CPXM2: variants seen among roughly 807,000 people sequenced by gnomAD.
CPXM2 encodes the protein inactive carboxypeptidase-like protein X2.
Under a neutral mutation model 86.1 loss-of-function variants are expected in CPXM2, and 66 were observed. That is an observed-to-expected ratio of 0.77 (90% confidence interval 0.63 to 0.94). The LOEUF is 0.94. Among genes scored for constraint, CPXM2 ranks in the 40% least tolerant of loss-of-function variants. CPXM2 has a pLI of 0.00. For missense variants in CPXM2, 948 were observed against 1,026.3 expected (o/e 0.92, Z 1.04); for synonymous variants, 388 against 400.2 (o/e 0.97, Z 0.36).
At chr10:123,888,887 C>T (rs1035417283) in intron 1 of CPXM2, among the ~76,000 whole-genome samples, 5 of 152,156 alleles carry the variant, frequency 3.3e-5, no homozygotes, top group Admixed American at 2.6e-4. Flanking sequence ...CTTCCGAAGA[C>T]GTGTTTTCAG....
chr10:123,750,185 G>C (rs746312705), intron 13 of CPXM2: 10 of 985,208 alleles, frequency 1.0e-5, no homozygotes, highest in Non-Finnish European at 1.2e-5. Context: ...TGTCCTTGTG[G>C]CCCTGTCAGA....
upstream of CPXM2, among the ~76,000 whole-genome samples, chr10:123,941,635 G>A (rs957685180): frequency 6.6e-6 from 1 of 152,222 alleles, no homozygotes; most frequent in Non-Finnish European, 1.5e-5. Flanking sequence ...TTAAAACATT[G>A]TTTTTATGTT....
chr10:123,780,550 A>G (rs1223225323), intron 6 of CPXM2, among the ~76,000 whole-genome samples: 3 of 152,214 alleles, frequency 2.0e-5, no homozygotes, highest in Non-Finnish European at 4.4e-5. Context: ...TTTTTTACCC[A>G]TAAACAAGAA....
chr10:123,835,289 G>A (rs1266613486), intron 4 of CPXM2, among the ~76,000 whole-genome samples: 1 of 152,128 alleles, frequency 6.6e-6, no homozygotes, highest in Non-Finnish European at 1.5e-5. Context: ...ATAAAGCGGG[G>A]TGGAAGCTTC....
At chr10:123,901,998 T>C (rs144273443) in intron 2 of CPXM2, among the ~76,000 whole-genome samples, 1 of 152,330 alleles carries the variant, frequency 6.6e-6, no homozygotes, top group East Asian at 1.9e-4. Context: ...CCAGAGAACT[T>C]TTGTGCAGAG....
intron 2 of CPXM2, among the ~76,000 whole-genome samples, chr10:123,867,346 G>A (rs1287416428): frequency 6.6e-6 from 1 of 152,012 alleles, no homozygotes; most frequent in Non-Finnish European, 1.5e-5. Context: ...GAAAGTAAGG[G>A]GCTAGAAAAT....
rs762517969 is a variant in CPXM2, at chr10:123,768,740, G to C, written c.1103-18C>G. On this transcript the variant is annotated intron_variant, in intron 8 of 13. Transcript: ENST00000241305. ...GGGCTCACCTTTACTCAAAGACAGA[G>C]AGAAGCACAGGTTCACGTTGAAACA... The C allele has an allele frequency of 6.2e-7, 1 of 1,603,120 alleles. No homozygotes were observed. Among genetic ancestry groups the C allele is most frequent in the Admixed American group, 1.7e-5 (1 of 59,934 alleles).
At position 123,757,212 on chromosome 10, in the gene CPXM2, C is replaced by T; in HGVS notation, c.1917+1G>A. 1 of 1,613,898 alleles carries T rather than the reference C, an allele frequency of 6.2e-7. No homozygotes were observed. The highest frequency in any genetic ancestry group is 1.1e-5 in the South Asian group (1 of 91,048). On this transcript the variant is annotated splice_donor_variant, in intron 12 of 13. Coordinates refer to ENST00000241305, the MANE Select transcript of CPXM2 (RefSeq NM_198148.3). LOFTEE classifies it high-confidence loss of function. ...ATCCCAGCCACACACCCGCAATATA[C>T]CTGCTCCATGAACACGATCAGAGAT...
chr10:123,767,002 G>T lies in CPXM2; in HGVS notation c.1450C>A (p.Pro484Thr), dbSNP rs1263879435. Residue 484 changes from proline (P) to threonine (T), a missense_variant, in exon 10 of 14, where the codon CCT becomes ACT. Coordinates refer to ENST00000241305, the MANE Select transcript of CPXM2 (RefSeq NM_198148.3). ...RKVPNHYIAI[P>T]EWFLSENATV... ...GCATTTTCCGACAGAAACCACTCAG[G>T]GATTGCAATATAGTGATTGGGAACT... The T allele has an allele frequency of 6.2e-7, 1 of 1,614,096 alleles. No individual in the cohort carries two copies. The highest frequency in any genetic ancestry group is 2.2e-5 in the East Asian group (1 of 44,882).
At chr10:123,798,190 C>G in intron 5 of CPXM2, 64 bp from the exon 6 acceptor site, 1 of 1,368,632 alleles carries the variant, frequency 7.3e-7, no homozygotes, top group Non-Finnish European at 9.7e-7. Flanking sequence ...GATAAAAAGT[C>G]AGAATTCACT....
intron 3 of CPXM2, among the ~76,000 whole-genome samples, chr10:123,854,738 A>G (rs1207230740): frequency 6.6e-6 from 1 of 151,710 alleles, no homozygotes; most frequent in Non-Finnish European, 1.5e-5. Context: ...TCCCCAGGGC[A>G]CCTGCCTCAC....
chr10:123,882,489 T>C (rs929470138), intron 1 of CPXM2, among the ~76,000 whole-genome samples: 8 of 152,182 alleles, frequency 5.3e-5, no homozygotes, highest in African/African-American at 1.2e-4. Flanking sequence ...GAGCATAACT[T>C]TTGATAAGGC....
At chr10:123,775,592 C>T (rs1430679929) in intron 7 of CPXM2, among the ~76,000 whole-genome samples, 1 of 152,216 alleles carries the variant, frequency 6.6e-6, no homozygotes, top group Admixed American at 6.5e-5. Flanking sequence ...GGCCACGAGC[C>T]ATCAGAATGA....
intron 2 of CPXM2, among the ~76,000 whole-genome samples, chr10:123,924,549 C>T (rs898827921): frequency 2.6e-5 from 4 of 152,202 alleles, no homozygotes; most frequent in South Asian, 2.1e-4. Flanking sequence ...TCTGTTCTCA[C>T]GGAGGTGGGG....
At chr10:123,857,888 G>A (rs763325615) in intron 3 of CPXM2, among the ~76,000 whole-genome samples, 7 of 151,578 alleles carry the variant, frequency 4.6e-5, no homozygotes, top group Non-Finnish European at 8.8e-5. Context: ...ACACTCACCC[G>A]TGACAGCGCA....
At chr10:123,816,731 C>A (rs1411278287) in intron 4 of CPXM2, among the ~76,000 whole-genome samples, 2 of 152,254 alleles carry the variant, frequency 1.3e-5, no homozygotes, top group Non-Finnish European at 2.9e-5. Flanking sequence ...TTGTCTTCAG[C>A]TGGCAAGGCC....
chr10:123,768,115 C>T (rs920936176), intron 9 of CPXM2, among the ~76,000 whole-genome samples: 1 of 152,154 alleles, frequency 6.6e-6, no homozygotes, highest in African/African-American at 2.4e-5. Flanking sequence ...TGGCCAGGCA[C>T]GGTGGCTTAC....
chr10:123,940,463 G>A (rs1296163667), upstream of CPXM2, among the ~76,000 whole-genome samples: 3 of 152,154 alleles, frequency 2.0e-5, no homozygotes, highest in Non-Finnish European at 4.4e-5. Context: ...GAACCCACCT[G>A]GCAAGGGAGC....
intron 2 of CPXM2, among the ~76,000 whole-genome samples, chr10:123,908,267 C>T (rs1166598085): frequency 1.3e-5 from 2 of 152,080 alleles, no homozygotes; most frequent in Admixed American, 6.6e-5. Context: ...GGGGCTTGTG[C>T]AGGGGACTTC....
Sources: gnomAD v4.1 joint callset for allele counts (sites outside exome capture counted in the v4.1 genomes callset) on GRCh38, gnomAD v4.1.1 for gene constraint, MANE v1.5 for transcripts, NCBI Gene and HGNC (gene_info 2026-07-23, HGNC 2026-07-21) for gene names.